The following APP variants were observed in gnomAD, a reference collection of about 807,000 sequenced individuals.
APP encodes amyloid beta precursor protein, also known as amyloid-beta precursor protein.
A neutral mutation model predicts 101.4 loss-of-function variants in APP; 31 were observed. The observed-to-expected ratio is 0.31, with a 90% confidence interval of 0.23 to 0.41. The LOEUF is 0.41. Among genes scored for constraint, APP ranks in the 10% least tolerant of loss-of-function variants. The pLI is 1.00. For missense variants in APP, 839 were observed against 1,003.7 expected, an observed-to-expected ratio of 0.84 and a Z score of 2.22; for synonymous variants, 366 against 364.4, an observed-to-expected ratio of 1.00 and a Z score of -0.05.
intron 6 of APP, among the ~76,000 whole-genome samples, chr21:26,017,271 A>G (rs2044136212): frequency 6.6e-6 from 1 of 150,834 alleles, no homozygotes; most frequent in Non-Finnish European, 1.5e-5. Context: ...TTTCCACCAC[A>G]CAGCATAGTT....
At chr21:26,022,292 G>A (rs976934460) in intron 5 of APP, among the ~76,000 whole-genome samples, 10 of 152,128 alleles carry the variant, frequency 6.6e-5, no homozygotes, top group African/African-American at 2.4e-4. Context: ...CTGGAAAAGG[G>A]AAAATTACGG....
At chr21:26,039,275 A>C (rs996161528) in intron 5 of APP, among the ~76,000 whole-genome samples, 5 of 152,238 alleles carry the variant, frequency 3.3e-5, no homozygotes, top group African/African-American at 1.2e-4. Flanking sequence ...AAAAGATAAA[A>C]GCAAACCCTT....
intron 3 of APP, among the ~76,000 whole-genome samples, chr21:26,072,771 C>G (rs1453721483): frequency 6.6e-6 from 1 of 152,156 alleles, no homozygotes; most frequent in African/African-American, 2.4e-5. Flanking sequence ...AATTAGTTCT[C>G]TGCATAAAAT....
chr21:26,055,122 G>A (rs534784890), intron 3 of APP, among the ~76,000 whole-genome samples: 1 of 152,188 alleles, frequency 6.6e-6, no homozygotes, highest in South Asian at 2.1e-4. Flanking sequence ...TGTGTTGCAG[G>A]GAATGCAAAA....
intron 1 of APP, among the ~76,000 whole-genome samples, chr21:26,144,679 A>G (rs1000042245): frequency 1.3e-5 from 2 of 152,234 alleles, no homozygotes; most frequent in African/African-American, 4.8e-5. Context: ...AGAAAATATA[A>G]CAGATCTCAG....
chr21:26,084,269 C>G (rs1411025346), intron 3 of APP, among the ~76,000 whole-genome samples: 3 of 119,946 alleles, frequency 2.5e-5, no homozygotes, highest in Admixed American at 1.2e-4. Context: ...GACTGAGTCT[C>G]GCTCTGTCCC....
At chr21:26,145,281 ATT>A (rs985279124) in intron 1 of APP, among the ~76,000 whole-genome samples, 1 of 152,132 alleles carries the variant, frequency 6.6e-6, no homozygotes, top group African/African-American at 2.4e-5. Flanking sequence ...GTGGAAGACC[ATT>A]TATCCATGGG....
intron 11 of APP, among the ~76,000 whole-genome samples, chr21:25,957,442 G>A (rs1279696027): frequency 6.6e-6 from 1 of 152,158 alleles, no homozygotes; most frequent in African/African-American, 2.4e-5. Flanking sequence ...GCAGAGTTGT[G>A]TGATCAGGAT....
At chr21:26,032,887 C>A (rs774230697) in intron 5 of APP, among the ~76,000 whole-genome samples, 9 of 151,690 alleles carry the variant, frequency 5.9e-5, no homozygotes, top group Non-Finnish European at 1.2e-4. Flanking sequence ...AGGCTCAGAG[C>A]CCTGCAGAGA....
chr21:25,887,400 T>C (rs2037394777), intron 17 of APP, among the ~76,000 whole-genome samples: 1 of 151,932 alleles, frequency 6.6e-6, no homozygotes, highest in African/African-American at 2.4e-5. Context: ...GCTTCACTGC[T>C]TGAAGCACCA....
At chr21:26,090,805 C>T (rs1009769656) in intron 2 of APP, among the ~76,000 whole-genome samples, 25 of 152,234 alleles carry the variant, frequency 1.6e-4, no homozygotes, top group African/African-American at 6.0e-4. Context: ...TATAAAAATC[C>T]TGCTCTTATT....
intron 3 of APP, among the ~76,000 whole-genome samples, chr21:26,087,077 CTA>C (rs778636947): frequency 3.3e-5 from 5 of 152,120 alleles, no homozygotes; most frequent in African/African-American, 9.7e-5. Context: ...ATTGGAAAAC[CTA>C]TGTTTTTCAG....
At chr21:25,956,587 A>G (rs1383662837) in intron 11 of APP, among the ~76,000 whole-genome samples, 2 of 152,206 alleles carry the variant, frequency 1.3e-5, no homozygotes, top group Non-Finnish European at 2.9e-5. Context: ...AAACAAACAA[A>G]AAAACCAGTT....
intron 16 of APP, among the ~76,000 whole-genome samples, chr21:25,894,525 G>C (rs1427161429): frequency 6.6e-6 from 1 of 152,170 alleles, no homozygotes; most frequent in Admixed American, 6.5e-5. Flanking sequence ...GTGACTTTGA[G>C]GAGTTCAAGA....
chr21:26,164,718 T>G (rs564842098), intron 1 of APP, among the ~76,000 whole-genome samples: 1 of 152,136 alleles, frequency 6.6e-6, no homozygotes, highest in East Asian at 1.9e-4. Flanking sequence ...TAGCTGGGCA[T>G]GGTGGCGAGT....
intron 13 of APP, chr21:25,942,188 G>C (rs996746588): frequency 6.6e-6 from 1 of 152,188 alleles, no homozygotes; most frequent in African/African-American, 2.4e-5. Flanking sequence ...AATGCTAAAA[G>C]AGGGACATTT....
At position 26,022,054 on chromosome 21, in the gene APP, AAC is replaced by A. The variant is rs1333140304; in HGVS notation, c.663-14_663-13del. On this transcript the variant is annotated splice_polypyrimidine_tract_variant and intron_variant, in intron 5 of 17. Coordinates refer to ENST00000346798, the MANE Select transcript of APP (RefSeq NM_000484.4). ...CTACTTTGTCTTCACTGTGAAGGCA[AAC>A]ACAAATAACAGAAAAAGTCAATTAA... 18 of 1,612,878 alleles carry A rather than the reference AAC, an allele frequency of 1.1e-5. No homozygotes were observed. Among genetic ancestry groups the A allele is most frequent in the Non-Finnish European group, 1.5e-5 (18 of 1,178,986 alleles).
chr21:25,883,835 C>G (rs1206855156), intron 17 of APP, among the ~76,000 whole-genome samples: 1 of 152,214 alleles, frequency 6.6e-6, no homozygotes, highest in Non-Finnish European at 1.5e-5. Context: ...AATCCCAAGG[C>G]AGCTGGAATA....
At chr21:25,914,110 C>T (rs1430406414) in intron 13 of APP, among the ~76,000 whole-genome samples, 1 of 152,098 alleles carries the variant, frequency 6.6e-6, no homozygotes, top group Admixed American at 6.6e-5. Flanking sequence ...AACCATTCTC[C>T]CTCCCAGTCA....
Sources: gnomAD v4.1 joint callset for allele counts (sites outside exome capture counted in the v4.1 genomes callset) on GRCh38, gnomAD v4.1.1 for gene constraint, MANE v1.5 for transcripts, NCBI Gene and HGNC (gene_info 2026-07-23, HGNC 2026-07-21) for gene names.